Variants in EYA2 observed in about 807,000 individuals in gnomAD.
EYA2 encodes the protein EYA transcriptional coactivator and phosphatase 2.
EYA2 carries 31 observed loss-of-function variants against 69.2 expected under a neutral mutation model. The observed-to-expected ratio is 0.45, with a 90% CI of 0.34 to 0.60. The LOEUF is 0.60. Among genes scored for constraint, EYA2 ranks in the 20% least tolerant of loss-of-function variants. EYA2 has a pLI of 0.02. For synonymous variants in EYA2, 257 were observed against 279.4 expected (o/e 0.92, Z 0.80); for missense variants, 622 against 701.2 (o/e 0.89, Z 1.28).
chr20:47,186,076 C>G (rs1454732048), intron 15 of EYA2, among the ~76,000 whole-genome samples: 1 of 152,162 alleles, frequency 6.6e-6, no homozygotes, highest in Non-Finnish European at 1.5e-5. Flanking sequence ...CCTGACCCAG[C>G]TCTCAAAAGT....
At chr20:46,922,663 G>A (rs932296524) in intron 1 of EYA2, among the ~76,000 whole-genome samples, 1 of 152,214 alleles carries the variant, frequency 6.6e-6, no homozygotes, top group Non-Finnish European at 1.5e-5. Flanking sequence ...TTGTGGGGGA[G>A]AGCTGGGTAA....
At chr20:46,905,983 A>G (rs1318180201) in intron 1 of EYA2, among the ~76,000 whole-genome samples, 2 of 152,304 alleles carry the variant, frequency 1.3e-5, no homozygotes, top group East Asian at 3.9e-4. Context: ...TTCTGGAAGA[A>G]TCTGTTAGTC....
At chr20:47,101,812 C>G (rs772088857) in intron 9 of EYA2, among the ~76,000 whole-genome samples, 1 of 152,158 alleles carries the variant, frequency 6.6e-6, no homozygotes, top group Non-Finnish European at 1.5e-5. Flanking sequence ...ATTTTGCAGA[C>G]AGAGTGACTG....
chr20:46,999,639 G>A (rs1010907879), intron 2 of EYA2, among the ~76,000 whole-genome samples: 10 of 152,154 alleles, frequency 6.6e-5, no homozygotes, highest in African/African-American at 2.4e-5. Flanking sequence ...CTTAATTCCA[G>A]TTATGACTCT....
At chr20:47,134,887 G>C (rs1236906396) in intron 9 of EYA2, among the ~76,000 whole-genome samples, 1 of 151,984 alleles carries the variant, frequency 6.6e-6, no homozygotes, top group East Asian at 1.9e-4. Context: ...CAGCACTTTG[G>C]GAGGCTGAGG....
At position 46,994,679 on chromosome 20, in the gene EYA2, T is replaced by A. The variant is rs551315021; in HGVS notation, c.109+4560T>A. ...CCTGGGGAACCACATGTCAGCTTCA[T>A]CCTTCTCACCTTTAAGGCTTTTGTA... On this transcript the variant is annotated intron_variant, in intron 2 of 15. Transcript: ENST00000327619. Among the ~76,000 whole-genome samples the A allele has an allele frequency of 3.6e-3, 551 of 152,268 alleles. 3 individuals carry two copies. Among genetic ancestry groups the A allele is most frequent in the African/African-American group, 0.013 (521 of 41,524 alleles).
At chr20:46,956,480 C>G (rs1219020122) in intron 1 of EYA2, among the ~76,000 whole-genome samples, 1 of 152,190 alleles carries the variant, frequency 6.6e-6, no homozygotes, top group Non-Finnish European at 1.5e-5. Context: ...GGCCCAGGTC[C>G]TTTCCATTGC....
chr20:47,114,352 A>G (rs1012762345), intron 9 of EYA2, among the ~76,000 whole-genome samples: 3 of 152,224 alleles, frequency 2.0e-5, no homozygotes, highest in African/African-American at 7.2e-5. Context: ...ACGGTGGCTC[A>G]TGCCTGTAAT....
intron 2 of EYA2, among the ~76,000 whole-genome samples, chr20:46,992,976 G>A (rs966439693): frequency 2.0e-5 from 3 of 151,980 alleles, no homozygotes; most frequent in Non-Finnish European, 4.4e-5. Flanking sequence ...GGCTTCAAAG[G>A]TCCTACTCAA....
At chr20:47,117,856 C>T (rs1371796258) in intron 9 of EYA2, among the ~76,000 whole-genome samples, 1 of 152,182 alleles carries the variant, frequency 6.6e-6, no homozygotes, top group Non-Finnish European at 1.5e-5. Context: ...TAGAGCTTTC[C>T]ATCCTGTGAC....
chr20:47,012,158 T>G (rs1351418815), intron 4 of EYA2, among the ~76,000 whole-genome samples: 1 of 152,238 alleles, frequency 6.6e-6, no homozygotes, highest in East Asian at 1.9e-4. Flanking sequence ...TGTCTGTTGT[T>G]GACACCCTCT....
At chr20:46,960,899 C>T (rs529098335) in intron 1 of EYA2, among the ~76,000 whole-genome samples, 2 of 152,270 alleles carry the variant, frequency 1.3e-5, no homozygotes, top group South Asian at 2.1e-4. Context: ...AGAACGTAAA[C>T]GAGTGGGCAT....
intron 10 of EYA2, among the ~76,000 whole-genome samples, chr20:47,156,035 T>TACAC (rs146224832): frequency 1.4e-5 from 1 of 70,134 alleles, no homozygotes; most frequent in African/African-American, 7.4e-5. Flanking sequence ...TATATATACA[T>TACAC]ACACACACAC....
chr20:47,052,256 G>A (rs2030378352), intron 5 of EYA2, among the ~76,000 whole-genome samples: 1 of 152,198 alleles, frequency 6.6e-6, no homozygotes, highest in African/African-American at 2.4e-5. Context: ...TGCAAGGTGT[G>A]GCTGGAGTTG....
intron 5 of EYA2, chr20:47,071,889 CAG>C (rs1360740676): frequency 2.7e-6 from 1 of 373,376 alleles, no homozygotes; most frequent in Admixed American, 3.7e-5. Context: ...GAGGAAGATC[CAG>C]AGACTTAGGG....
chr20:46,949,626 A>G (rs1056996993), intron 1 of EYA2, among the ~76,000 whole-genome samples: 5 of 152,196 alleles, frequency 3.3e-5, no homozygotes, highest in Non-Finnish European at 7.3e-5. Context: ...ATGGAGCTAG[A>G]TGGTGGGGTA....
At chr20:47,020,184 G>T (rs1212080483) in intron 5 of EYA2, among the ~76,000 whole-genome samples, 1 of 152,052 alleles carries the variant, frequency 6.6e-6, no homozygotes, top group Non-Finnish European at 1.5e-5. Context: ...GATGCTCTTG[G>T]GGCTCACCTC....
chr20:46,943,892 T>G (rs1986255876), intron 1 of EYA2, among the ~76,000 whole-genome samples: 1 of 152,190 alleles, frequency 6.6e-6, no homozygotes. Flanking sequence ...TATCTTTTCC[T>G]GCGCTCTCTT....
rs1027317535 is a variant in EYA2 at position 46,988,333 on chromosome 20, C to A, written c.-10-1668C>A. The stretch of plus-strand genomic sequence containing the variant: ...TAGTGCTTTTTTTTACATGAATCAT[C>A]TTTTTAAATCTTCACCGTGACCATT... On this transcript the variant is annotated intron_variant, in intron 1 of 15. Transcript: ENST00000327619. Among the ~76,000 whole-genome samples the A allele has an allele frequency of 2.8e-4, 43 of 151,948 alleles. 1 individual carries two copies. The highest frequency in any genetic ancestry group is 3.9e-4 in the East Asian group (2 of 5,152).
Sources: gnomAD v4.1 joint callset for allele counts (sites outside exome capture counted in the v4.1 genomes callset) on GRCh38, gnomAD v4.1.1 for gene constraint, MANE v1.5 for transcripts, NCBI Gene and HGNC (gene_info 2026-07-23, HGNC 2026-07-21) for gene names.